KCNQ1: variants seen among roughly 807,000 people sequenced by gnomAD.
KCNQ1 encodes the protein potassium voltage-gated channel subfamily KQT member 1.
Under a neutral mutation model 72.4 loss-of-function variants are expected in KCNQ1, and 49 were observed. That is an observed-to-expected ratio of 0.68 (90% CI 0.54 to 0.86). The LOEUF is 0.86. KCNQ1 is among the 40% of genes least tolerant of loss of function. The probability of loss-of-function intolerance (pLI) is 0.00; values close to 1 mark genes in which losing one functional copy is unlikely to be tolerated. For missense variants in KCNQ1, 790 were observed against 945.1 expected, an observed-to-expected ratio of 0.84 and a Z score of 2.15; for synonymous variants, 450 against 412.6, an observed-to-expected ratio of 1.09 and a Z score of -1.10.
rs1362690035 is a variant in KCNQ1, at chr11:2,527,986, G to A, written c.445G>A (p.Ala149Thr). 3 of 1,613,868 alleles carry A rather than the reference G, an allele frequency of 1.9e-6. No homozygotes were observed. The highest frequency in any genetic ancestry group is 1.3e-5 in the African/African-American group (1 of 74,928). ...FSVLSTIEQYAALATGTLFWM... is the reference protein window; with the variant it reads ...FSVLSTIEQYTALATGTLFWM... Reference sequence around the variant, plus strand: ...CGTGCTGTCCACCATCGAGCAGTATGCCGCCCTGGCCACGGGGACTCTCTT... The same window carrying A: ...CGTGCTGTCCACCATCGAGCAGTATACCGCCCTGGCCACGGGGACTCTCTT... The change falls in exon 2 of 16, where the codon GCC becomes ACC. Residue 149 changes from alanine (A) to threonine (T), a missense_variant. Coordinates refer to ENST00000155840, the MANE Select transcript of KCNQ1 (RefSeq NM_000218.3).
intron 10 of KCNQ1, chr11:2,622,255 C>T: frequency 2.5e-6 from 1 of 398,262 alleles, no homozygotes; most frequent in Middle Eastern, 6.3e-4. Context: ...TATACGTTTC[C>T]AATTGCGAAG....
At chr11:2,571,836 C>G (rs1411371279) in intron 4 of KCNQ1, among the ~76,000 whole-genome samples, 177 bp from the exon 5 acceptor site, 1 of 152,178 alleles carries the variant, frequency 6.6e-6, no homozygotes. Context: ...GGGGCTGCGC[C>G]TGAGAGGGAG....
chr11:2,802,197 G>A (rs938896340), intron 15 of KCNQ1, among the ~76,000 whole-genome samples: 4 of 152,224 alleles, frequency 2.6e-5, no homozygotes, highest in South Asian at 2.1e-4. Flanking sequence ...AGCCACACCC[G>A]CCTTCTGACA....
intron 11 of KCNQ1, among the ~76,000 whole-genome samples, chr11:2,741,767 G>A (rs546402959): frequency 3.9e-5 from 6 of 152,344 alleles, no homozygotes; most frequent in Non-Finnish European, 7.3e-5. Flanking sequence ...AGCTGCGGGC[G>A]CGCAGACAGC....
intron 11 of KCNQ1, among the ~76,000 whole-genome samples, chr11:2,733,945 C>A (rs1845909719): frequency 6.6e-6 from 1 of 151,726 alleles, no homozygotes; most frequent in South Asian, 2.1e-4. Flanking sequence ...CTCCTCTTCC[C>A]TGCTTAATCC....
chr11:2,790,692 G>A (rs1427123419), intron 15 of KCNQ1, among the ~76,000 whole-genome samples: 1 of 152,254 alleles, frequency 6.6e-6, no homozygotes, highest in African/African-American at 2.4e-5. Context: ...CCCCAGTGGA[G>A]GGGACAGGCA....
rs547261261 is a variant in KCNQ1, at chr11:2,540,909, G to A, written c.477+12891G>A. On this transcript the variant is annotated intron_variant, in intron 2 of 15. Transcript: ENST00000155840. ...AGACTTGGTCATGGTCAAGGTAGTT[G>A]AAGTCGGGGGTTGAAAAACACACTC... Among the ~76,000 whole-genome samples, 241 of 152,356 alleles carry A rather than the reference G, an allele frequency of 1.6e-3. 1 individual carries two copies. Among genetic ancestry groups the A allele is most frequent in the African/African-American group, 5.6e-3 (232 of 41,596 alleles).
At chr11:2,681,195 G>T (rs1850390452) in intron 11 of KCNQ1, 2 of 398,468 alleles carry the variant, frequency 5.0e-6, no homozygotes, top group Non-Finnish European at 4.4e-6. Context: ...AGTCATTTTT[G>T]CAGTGTTTGT....
At chr11:2,575,815 G>A (rs186718108) in intron 6 of KCNQ1, among the ~76,000 whole-genome samples, 1 of 152,198 alleles carries the variant, frequency 6.6e-6, no homozygotes, top group African/African-American at 2.4e-5. Flanking sequence ...CCCTGAGAGG[G>A]TGCTGGAGCT....
rs1254371121 is a variant in KCNQ1, at chr11:2,720,007, C to T, written c.1515-48837C>T. On this transcript the variant is annotated intron_variant, in intron 11 of 15. Coordinates refer to ENST00000155840, the MANE Select transcript of KCNQ1 (RefSeq NM_000218.3). The surrounding 1 kb of genome is among the most constrained non-coding windows in gnomAD (Gnocchi z 5.1). Reference sequence around the variant, plus strand: ...CCTGGGCGGAGGTGGAGCCGCTTCACCATACATGCAAATGTAGCAAACTGC... The same window carrying T: ...CCTGGGCGGAGGTGGAGCCGCTTCATCATACATGCAAATGTAGCAAACTGC... 6.6e-6 allele frequency among the ~76,000 whole-genome samples: 1 copy of T among 152,234 alleles called. No homozygotes were observed. The highest frequency in any genetic ancestry group is 2.4e-5 in the African/African-American group (1 of 41,460).
At chr11:2,788,999 G>A (rs1846966511) in intron 15 of KCNQ1, among the ~76,000 whole-genome samples, 1 of 152,116 alleles carries the variant, frequency 6.6e-6, no homozygotes, top group Non-Finnish European at 1.5e-5. Flanking sequence ...CTTCAGACCT[G>A]GCATTCTCAC....
chr11:2,459,207 A>G (rs1225405351), intron 1 of KCNQ1, among the ~76,000 whole-genome samples: 1 of 152,218 alleles, frequency 6.6e-6, no homozygotes, highest in African/African-American at 2.4e-5. Flanking sequence ...TGGTGGGGAC[A>G]CTGTGGTCTG....
At chr11:2,619,152 T>G (rs1262732706) in intron 10 of KCNQ1, 1 of 398,558 alleles carries the variant, frequency 2.5e-6, no homozygotes, top group East Asian at 3.6e-5. Flanking sequence ...ACTTCCTGAT[T>G]TGAATGTCTT....
chr11:2,662,422 G>C (rs780526982), intron 11 of KCNQ1: 22 of 280,786 alleles, frequency 7.8e-5, no homozygotes, highest in Non-Finnish European at 1.1e-4. Flanking sequence ...TTGTTTTTTA[G>C]CATTTCCCCA....
In KCNQ1 at chr11:2,759,048, C is replaced by A. The variant is rs1249682578; in HGVS notation, c.1515-9796C>A. Among the ~76,000 whole-genome samples, 1 of 152,096 alleles carries A rather than the reference C, an allele frequency of 6.6e-6. No homozygotes were observed. The highest frequency in any genetic ancestry group is 1.5e-5 in the Non-Finnish European group (1 of 68,032). On this transcript the variant is annotated intron_variant, in intron 11 of 15. Coordinates refer to ENST00000155840, the MANE Select transcript of KCNQ1 (RefSeq NM_000218.3). This position sits in a 1 kb window ranked among gnomAD's most constrained non-coding sequence, Gnocchi z 4.4. ...AATCTCCTGGCGTTGATCTGTTACTCCACCCATGCAAGGTGTGACCGTCGC... is the reference window on the plus strand; with the variant it reads ...AATCTCCTGGCGTTGATCTGTTACTACACCCATGCAAGGTGTGACCGTCGC...
intron 2 of KCNQ1, among the ~76,000 whole-genome samples, chr11:2,540,442 C>G (rs1224202226): frequency 6.6e-6 from 1 of 152,244 alleles, no homozygotes; most frequent in Non-Finnish European, 1.5e-5. Flanking sequence ...AGGGCCAGGC[C>G]TAGACAGCTC....
intron 11 of KCNQ1, chr11:2,684,298 C>G (rs1850448323): frequency 2.5e-6 from 1 of 398,636 alleles, no homozygotes. Context: ...CATTGCAACT[C>G]ATTTCTTCCC....
chr11:2,448,551 G>A (rs1390078052), intron 1 of KCNQ1, among the ~76,000 whole-genome samples: 1 of 152,226 alleles, frequency 6.6e-6, no homozygotes. Context: ...ATTGGAGTCT[G>A]AAGCAGCTGC....
In KCNQ1 at chr11:2,462,112, G is replaced by T. The variant is rs1450061431; in HGVS notation, c.386+16628G>T. 1 of 287,022 alleles carries T rather than the reference G, an allele frequency of 3.5e-6. No individual in the cohort carries two copies. The highest frequency in any genetic ancestry group is 6.9e-6 in the Non-Finnish European group (1 of 144,166). 17.8% of individuals were successfully genotyped at this position (287,022 alleles called of 1,614,324 possible). Reference sequence around the variant, plus strand: ...CTGGGATTCACAAGAATCCTTCCCTGGGCTGAGGGGGCGTTGCTGTGGGTG... The same window carrying T: ...CTGGGATTCACAAGAATCCTTCCCTTGGCTGAGGGGGCGTTGCTGTGGGTG... On this transcript the variant is annotated intron_variant, in intron 1 of 15. Transcript: ENST00000155840. This position sits in a 1 kb window ranked among gnomAD's most constrained non-coding sequence, Gnocchi z 8.2.
Sources: allele counts gnomAD v4.1 joint callset (sites outside exome capture counted in the v4.1 genomes callset), GRCh38; gene constraint gnomAD v4.1.1; non-coding constraint Gnocchi (gnomAD v3.1); transcripts MANE v1.5; gene names NCBI Gene and HGNC (gene_info 2026-07-23, HGNC 2026-07-21).